The following TSPAN9 variants were observed in gnomAD, a reference collection of about 807,000 sequenced individuals.
The protein encoded by TSPAN9 is tetraspanin-9.
A neutral mutation model predicts 31.0 loss-of-function variants in TSPAN9; 16 were observed. The observed-to-expected ratio is 0.52, with a 90% CI of 0.35 to 0.78. The LOEUF is 0.78. Ranked by LOEUF, TSPAN9 falls within the 30% of genes least tolerant of loss-of-function variation. The pLI is 0.01. For synonymous variants in TSPAN9, 145 were observed against 121.6 expected (o/e 1.19, Z -1.27); for missense variants, 272 against 312.5 (o/e 0.87, Z 0.98).
At chr12:3,257,758 G>A (rs1455041660) in intron 3 of TSPAN9, among the ~76,000 whole-genome samples, 1 of 128,364 alleles carries the variant, frequency 7.8e-6, no homozygotes. Context: ...TAGGTCAAGA[G>A]ACTTTGGGCG....
intron 2 of TSPAN9, chr12:3,125,203 T>G (rs1392540115): frequency 1.3e-5 from 2 of 150,112 alleles, no homozygotes; most frequent in African/African-American, 4.9e-5. Flanking sequence ...AGTTCGTGAT[T>G]ATTAGTGATT....
intron 2 of TSPAN9, among the ~76,000 whole-genome samples, chr12:3,084,446 TCGGTGGAGC>T (rs1365263880): frequency 6.6e-6 from 1 of 151,440 alleles, no homozygotes; most frequent in Non-Finnish European, 1.5e-5. Flanking sequence ...AATGGTGTAG[TCGGTGGAGC>T]AGGGAGAGGG....
At chr12:3,270,431 C>G (rs530044747) in intron 3 of TSPAN9, among the ~76,000 whole-genome samples, 1 of 152,360 alleles carries the variant, frequency 6.6e-6, no homozygotes, top group East Asian at 1.9e-4. Context: ...ACTGGGCCAT[C>G]TCTCACCCAT....
At chr12:3,088,334 T>C (rs561799740) in intron 2 of TSPAN9, among the ~76,000 whole-genome samples, 1 of 152,320 alleles carries the variant, frequency 6.6e-6, no homozygotes, top group East Asian at 1.9e-4. Context: ...TTTTGAGTGC[T>C]GTCTGCAGCA....
chr12:3,169,023 C>CG (rs2098350256), intron 2 of TSPAN9, among the ~76,000 whole-genome samples: 1 of 152,164 alleles, frequency 6.6e-6, no homozygotes, highest in Non-Finnish European at 1.5e-5. Context: ...CATTCCAGAC[C>CG]CCCTGGCAAC....
At chr12:3,198,518 TCA>T (rs1491529497) in intron 2 of TSPAN9, among the ~76,000 whole-genome samples, 16 of 67,520 alleles carry the variant, frequency 2.4e-4, no homozygotes, top group African/African-American at 8.1e-4. Flanking sequence ...CCAGCACAGG[TCA>T]CACCAGCACA....
At chr12:3,133,231 A>G (rs1445219733) in intron 2 of TSPAN9, among the ~76,000 whole-genome samples, 1 of 152,098 alleles carries the variant, frequency 6.6e-6, no homozygotes, top group Non-Finnish European at 1.5e-5. Flanking sequence ...CCATCCCGGA[A>G]AAAGAGGGGT....
At chr12:3,161,779 C>CT (rs1391620944) in intron 2 of TSPAN9, among the ~76,000 whole-genome samples, 1 of 144,436 alleles carries the variant, frequency 6.9e-6, no homozygotes, top group Non-Finnish European at 1.5e-5. Context: ...TGAAATCTAT[C>CT]TATCTATCTA....
intron 2 of TSPAN9, among the ~76,000 whole-genome samples, chr12:3,125,412 T>C (rs187609710): frequency 7.3e-4 from 111 of 152,296 alleles, no homozygotes; most frequent in African/African-American, 2.6e-3. Context: ...GCCTCTGCAT[T>C]GGAGTTCCTT....
chr12:3,280,484 G>T lies in TSPAN9; in HGVS notation c.432+1G>T. On this transcript the variant is annotated splice_donor_variant, in intron 6 of 8. Coordinates refer to ENST00000011898, the MANE Select transcript of TSPAN9 (RefSeq NM_006675.5). LOFTEE classifies it high-confidence loss of function. The surrounding 1 kb of genome is among the most constrained non-coding windows in gnomAD (Gnocchi z 4.5). ...CGCCTGGAACATCATCCAGGCTGAGGTGCGGGCTGGGCCGCCCTGGTGGGG... is the reference window on the plus strand; with the variant it reads ...CGCCTGGAACATCATCCAGGCTGAGTTGCGGGCTGGGCCGCCCTGGTGGGG... The T allele has an allele frequency of 6.2e-7, 1 of 1,611,128 alleles. No individual in the cohort carries two copies.
intron 2 of TSPAN9, among the ~76,000 whole-genome samples, chr12:3,097,597 T>C (rs989094602): frequency 2.6e-5 from 4 of 152,152 alleles, no homozygotes; most frequent in African/African-American, 9.7e-5. Flanking sequence ...CGATTTCCTC[T>C]TCCTCTTCTG....
At chr12:3,194,592 C>T (rs916611409) in intron 2 of TSPAN9, among the ~76,000 whole-genome samples, 1 of 152,072 alleles carries the variant, frequency 6.6e-6, no homozygotes, top group Non-Finnish European at 1.5e-5. Context: ...TCACTATGTT[C>T]CCTAGGTTCA....
chr12:3,278,715 C>T (rs1862842118), intron 4 of TSPAN9, 103 bp downstream of exon 4: 6 of 1,457,782 alleles, frequency 4.1e-6, no homozygotes, highest in South Asian at 1.4e-5. Context: ...GGGTGTCCAA[C>T]CTGAGCCCAG....
At chr12:3,273,038 CAAAG>C (rs1214556529) in intron 3 of TSPAN9, 1 of 152,330 alleles carries the variant, frequency 6.6e-6, no homozygotes, top group Admixed American at 6.5e-5. Context: ...CCCCTGGTGA[CAAAG>C]AAGATCCTGA....
At chr12:3,258,332 G>T (rs1862387090) in intron 3 of TSPAN9, among the ~76,000 whole-genome samples, 1 of 152,170 alleles carries the variant, frequency 6.6e-6, no homozygotes, top group African/African-American at 2.4e-5. Context: ...TCTGAGTCCT[G>T]TGGGTCTAAG....
chr12:3,147,408 T>C lies in TSPAN9; in HGVS notation c.-17-53769T>C, dbSNP rs1015155393. On this transcript the variant is annotated intron_variant, in intron 2 of 8. Transcript: ENST00000011898. The surrounding 1 kb of genome is among the most constrained non-coding windows in gnomAD (Gnocchi z 4.3). ...GGAGACCCTCGCCGAGGAGCAAGGT[T>C]GGTGGTGGGCATGCTGCAGCCTGAG... 2.6e-5 allele frequency among the ~76,000 whole-genome samples: 4 copies of C among 151,892 alleles called. No individual in the cohort carries two copies. The highest frequency in any genetic ancestry group is 2.6e-4 in the Admixed American group (4 of 15,282).
At chr12:3,174,692 C>T (rs1009898935) in intron 2 of TSPAN9, among the ~76,000 whole-genome samples, 13 of 151,898 alleles carry the variant, frequency 8.6e-5, no homozygotes, top group Non-Finnish European at 1.8e-4. Flanking sequence ...GCGCCATTCT[C>T]CTGCCTCAGC....
At chr12:3,231,655 A>G (rs906015636) in intron 3 of TSPAN9, among the ~76,000 whole-genome samples, 14 of 152,344 alleles carry the variant, frequency 9.2e-5, no homozygotes, top group African/African-American at 3.4e-4. Flanking sequence ...TCCCCATGCC[A>G]GGGCAACAGA....
intron 2 of TSPAN9, among the ~76,000 whole-genome samples, chr12:3,181,478 G>C (rs758806677): frequency 1.3e-5 from 2 of 152,184 alleles, no homozygotes; most frequent in Non-Finnish European, 2.9e-5. Flanking sequence ...GAGGTAGGCA[G>C]GTGGGGGCCC....
Sources: gnomAD v4.1 joint callset for allele counts (sites outside exome capture counted in the v4.1 genomes callset) on GRCh38, gnomAD v4.1.1 for gene constraint, Gnocchi (gnomAD v3.1) non-coding constraint, MANE v1.5 for transcripts, NCBI Gene and HGNC (gene_info 2026-07-23, HGNC 2026-07-21) for gene names.